Variants in XRN2 observed in about 807,000 individuals in gnomAD.
XRN2 encodes DHM1-like protein.
XRN2 carries 44 observed loss-of-function variants against 138.5 expected under a neutral mutation model. That is an observed-to-expected ratio of 0.32 (90% CI 0.25 to 0.41). The LOEUF (loss-of-function observed/expected upper bound fraction) is 0.41, where lower values mean the gene tolerates loss of function less well. XRN2 is among the 10% of genes least tolerant of loss of function. The pLI is 1.00. For synonymous variants in XRN2, 354 were observed against 369.4 expected (o/e 0.96, Z 0.48); for missense variants, 937 against 1,169.3 (o/e 0.80, Z 2.90).
At chr20:21,333,163 A>G (rs918950580) in intron 9 of XRN2, among the ~76,000 whole-genome samples, 1 of 152,222 alleles carries the variant, frequency 6.6e-6, no homozygotes, top group Non-Finnish European at 1.5e-5. Flanking sequence ...AGGGGTAATC[A>G]TTGGTTGGGT....
intron 13 of XRN2, among the ~76,000 whole-genome samples, chr20:21,338,107 A>G (rs1019690974): frequency 3.3e-5 from 5 of 152,128 alleles, no homozygotes; most frequent in South Asian, 2.1e-4. Context: ...CCAATTTCCA[A>G]TTTCCTTAAG....
At chr20:21,370,437 CAAA>C (rs1164889908) in intron 27 of XRN2, among the ~76,000 whole-genome samples, 1 of 150,788 alleles carries the variant, frequency 6.6e-6, no homozygotes, top group African/African-American at 2.4e-5. Context: ...TTAACACAGG[CAAA>C]AAAAAGTATG....
chr20:21,339,193 C>A, intron 14 of XRN2, 105 bp downstream of exon 14: 2 of 1,135,428 alleles, frequency 1.8e-6, no homozygotes, highest in Non-Finnish European at 2.5e-6. Flanking sequence ...AGGACTTAGT[C>A]AGGGACGTAA....
intron 26 of XRN2, among the ~76,000 whole-genome samples, chr20:21,367,730 G>A (rs1338180758): frequency 3.9e-5 from 6 of 152,048 alleles, no homozygotes; most frequent in Non-Finnish European, 8.8e-5. Flanking sequence ...CATTGTTTTG[G>A]AAAAATCTTC....
At position 21,326,472 on chromosome 20, in the gene XRN2, G is replaced by A; in HGVS notation, c.204-18G>A. 1.9e-6 allele frequency: 3 copies of A among 1,613,862 alleles called. No homozygotes were observed. In the African/African-American group the frequency reaches 4.0e-5, roughly 22 times the overall value. The stretch of plus-strand genomic sequence containing the variant: ...AGGAAACATTATATTATATTACATT[G>A]TTTGGTTGTCATTATAGACCAGCAC... On this transcript the variant is annotated intron_variant, in intron 2 of 29. Transcript: ENST00000377191.
intron 11 of XRN2, 39 bp downstream of exon 11, chr20:21,333,876 G>A: frequency 6.2e-7 from 1 of 1,614,046 alleles, no homozygotes; most frequent in South Asian, 1.1e-5. Context: ...GACTGTTTTA[G>A]GCTTCTTGAC....
At chr20:21,330,284 AAATAAT>A (rs548935877) in intron 4 of XRN2, among the ~76,000 whole-genome samples, 191 bp from the exon 5 acceptor site, 2 of 151,862 alleles carry the variant, frequency 1.3e-5, no homozygotes, top group African/African-American at 4.8e-5. Flanking sequence ...ACTCTGTCTC[AAATAAT>A]AATAATAATA....
chr20:21,333,585 G>C lies in XRN2; in HGVS notation c.900G>C (p.Glu300Asp). 1 of 1,613,790 alleles carries C rather than the reference G, an allele frequency of 6.2e-7. No individual in the cohort carries two copies. Among genetic ancestry groups the C allele is most frequent in the South Asian group, 1.1e-5 (1 of 91,074 alleles). ...ATAGTCTTCCTTGTGCAGAAGGAGA[G>C]TTTATCTTCCTTCGGCTTAATGTTC... ...LADSLPCAEG[E>D]FIFLRLNVLR... The change falls in exon 10 of 30, where the codon GAG becomes GAC. Residue 300 changes from glutamate (E) to aspartate (D), a missense_variant. By Grantham distance (45) the Glu-to-Asp change is conservative (BLOSUM62 2). Transcript: ENST00000377191.
intron 1 of XRN2, among the ~76,000 whole-genome samples, chr20:21,319,673 AT>A (rs1414836253): frequency 6.6e-6 from 1 of 152,130 alleles, no homozygotes; most frequent in Non-Finnish European, 1.5e-5. Flanking sequence ...ACATGCTAAA[AT>A]TTATTGAACT....
chr20:21,351,426 T>C (rs1382067786), intron 20 of XRN2, among the ~76,000 whole-genome samples: 1 of 152,222 alleles, frequency 6.6e-6, no homozygotes, highest in Non-Finnish European at 1.5e-5. Context: ...AATCCTTTGC[T>C]CAATTTTGAA....
chr20:21,387,120 G>T, intron 29 of XRN2, 114 bp downstream of exon 29: 1 of 1,404,564 alleles, frequency 7.1e-7, no homozygotes. Context: ...GAGTAGCTTA[G>T]AGTAGCTTGG....
chr20:21,353,617 C>G (rs770985561), intron 20 of XRN2, among the ~76,000 whole-genome samples: 1 of 151,558 alleles, frequency 6.6e-6, no homozygotes, highest in African/African-American at 2.4e-5. Context: ...ACAAGGAGAC[C>G]TCATCTCTAC....
At chr20:21,388,533 C>G (rs1342353576) in intron 29 of XRN2, among the ~76,000 whole-genome samples, 1 of 151,972 alleles carries the variant, frequency 6.6e-6, no homozygotes, top group African/African-American at 2.4e-5. Flanking sequence ...TTTATATGAC[C>G]AAACAAGGCC....
At chr20:21,344,354 A>G in intron 16 of XRN2, 146 bp downstream of exon 16, 1 of 645,430 alleles carries the variant, frequency 1.5e-6, no homozygotes, top group Non-Finnish European at 2.8e-6. Flanking sequence ...GAGGGTTAGA[A>G]TAGTCAGTAA....
chr20:21,349,212 G>A (rs774800204), intron 19 of XRN2, among the ~76,000 whole-genome samples, 177 bp from the exon 20 acceptor site: 7 of 152,066 alleles, frequency 4.6e-5, no homozygotes, highest in Non-Finnish European at 8.8e-5. Context: ...AAATAACATT[G>A]TTCATTTTGT....
chr20:21,316,838 G>A (rs754998443), intron 1 of XRN2, among the ~76,000 whole-genome samples: 7 of 152,038 alleles, frequency 4.6e-5, no homozygotes, highest in Non-Finnish European at 7.4e-5. Flanking sequence ...TATAAATTTC[G>A]TATTTCTTTG....
At chr20:21,361,307 G>A (rs1038710867) in intron 24 of XRN2, among the ~76,000 whole-genome samples, 2 of 152,164 alleles carry the variant, frequency 1.3e-5, no homozygotes, top group African/African-American at 4.8e-5. Context: ...AGACAATCAA[G>A]CATTTAAAAT....
chr20:21,317,607 A>G (rs1426830658), intron 1 of XRN2, among the ~76,000 whole-genome samples: 2 of 152,156 alleles, frequency 1.3e-5, no homozygotes, highest in Non-Finnish European at 2.9e-5. Context: ...ATGGTGTAAT[A>G]TTTGCATATA....
At chr20:21,387,720 A>G (rs1267077958) in intron 29 of XRN2, among the ~76,000 whole-genome samples, 3 of 152,214 alleles carry the variant, frequency 2.0e-5, no homozygotes, top group African/African-American at 7.2e-5. Context: ...CAAGATTAGA[A>G]TGCTGTGATT....
Sources: gnomAD v4.1 joint callset for allele counts (sites outside exome capture counted in the v4.1 genomes callset) on GRCh38, gnomAD v4.1.1 for gene constraint, MANE v1.5 for transcripts, NCBI Gene and HGNC (gene_info 2026-07-23, HGNC 2026-07-21) for gene names.